ARHGAP42: variants seen among roughly 807,000 people sequenced by gnomAD.
The protein encoded by ARHGAP42 is Rho GTPase activating protein 42.
In ARHGAP42, 63 loss-of-function variants were observed where a neutral mutation model predicts 125.0. The ratio of observed to expected loss-of-function variants is 0.50; its 90% CI spans 0.41 to 0.62. ARHGAP42 has a LOEUF of 0.62. Among genes scored for constraint, ARHGAP42 ranks in the 20% least tolerant of loss-of-function variants. ARHGAP42 has a pLI of 0.00. For synonymous variants in ARHGAP42, 339 were observed against 351.0 expected (o/e 0.97, Z 0.38); for missense variants, 766 against 1,024.2 (o/e 0.75, Z 3.44).
At chr11:100,794,009 G>A (rs562607747) in intron 2 of ARHGAP42, among the ~76,000 whole-genome samples, 5 of 143,438 alleles carry the variant, frequency 3.5e-5, no homozygotes, top group Non-Finnish European at 7.5e-5. Context: ...CTTGAGCCTG[G>A]GAGATCGAGG....
At chr11:100,947,756 T>G (rs891151573) in intron 10 of ARHGAP42, among the ~76,000 whole-genome samples, 4 of 151,938 alleles carry the variant, frequency 2.6e-5, no homozygotes, top group African/African-American at 9.7e-5. Context: ...AATTTCCATC[T>G]GAATGTTCTT....
chr11:100,711,642 G>T (rs916861239), intron 1 of ARHGAP42, among the ~76,000 whole-genome samples: 1 of 152,226 alleles, frequency 6.6e-6, no homozygotes. Flanking sequence ...ACAGGCGTGA[G>T]CCACTGTGCC....
At chr11:100,703,717 G>T (rs1310838683) in intron 1 of ARHGAP42, among the ~76,000 whole-genome samples, 1 of 152,210 alleles carries the variant, frequency 6.6e-6, no homozygotes, top group Non-Finnish European at 1.5e-5. Flanking sequence ...AGACTTTATA[G>T]ACATATCTAC....
intron 1 of ARHGAP42, among the ~76,000 whole-genome samples, chr11:100,744,899 T>C (rs113421459): frequency 6.6e-6 from 1 of 152,182 alleles, no homozygotes; most frequent in Non-Finnish European, 1.5e-5. Context: ...AGTGGTGAGC[T>C]CACACCTGGA....
At chr11:100,824,859 G>A (rs955023698) in intron 3 of ARHGAP42, among the ~76,000 whole-genome samples, 1 of 152,018 alleles carries the variant, frequency 6.6e-6, no homozygotes, top group Non-Finnish European at 1.5e-5. Flanking sequence ...TTCCTTACTG[G>A]TTTCTTTCCC....
chr11:100,829,025 A>G (rs1443332560), intron 3 of ARHGAP42, among the ~76,000 whole-genome samples: 2 of 152,194 alleles, frequency 1.3e-5, no homozygotes, highest in Non-Finnish European at 2.9e-5. Flanking sequence ...TTATGCAAAG[A>G]GGAATCTGGA....
chr11:100,697,418 G>A lies in ARHGAP42; in HGVS notation c.154+9586G>A, dbSNP rs190056582. Among the ~76,000 whole-genome samples the A allele has an allele frequency of 7.2e-5, 11 of 152,144 alleles. 1 individual carries two copies. Among genetic ancestry groups the A allele is most frequent in the Admixed American group, 5.2e-4 (8 of 15,286 alleles). On this transcript the variant is annotated intron_variant, in intron 1 of 23. Transcript: ENST00000298815. ...AGGATGGTCTCCATCTCCTGACCTC[G>A]TGATCCGCCCGCCTCGGCCTCCCAA...
chr11:100,714,796 GA>G (rs1205132824), intron 1 of ARHGAP42, among the ~76,000 whole-genome samples: 1 of 152,038 alleles, frequency 6.6e-6, no homozygotes, highest in African/African-American at 2.4e-5. Context: ...TTTGGAGGCT[GA>G]AGTGAGTAGA....
intron 1 of ARHGAP42, among the ~76,000 whole-genome samples, chr11:100,750,515 C>T (rs1360770979): frequency 6.9e-6 from 1 of 144,402 alleles, no homozygotes; most frequent in Admixed American, 7.0e-5. Flanking sequence ...AGCACCTGGA[C>T]AAGGGAGGGG....
intron 12 of ARHGAP42, among the ~76,000 whole-genome samples, chr11:100,956,753 A>T (rs1003336882): frequency 6.6e-6 from 1 of 152,004 alleles, no homozygotes; most frequent in African/African-American, 2.4e-5. Flanking sequence ...CCAACTTACT[A>T]TTTTTTCAGT....
rs1442899217 is a variant in ARHGAP42 at position 100,814,625 on chromosome 11, G to A, written c.312+19459G>A. Among the ~76,000 whole-genome samples, 4 of 152,130 alleles carry A rather than the reference G, an allele frequency of 2.6e-5. No individual in the cohort carries two copies. The South Asian group carries it at 8.3e-4, about 32-fold the overall frequency. ...TCCTCAGGAAACTTACAGTCATGGCGGAAGTGGAAGTAGGAACATCTTACA... is the reference window on the plus strand; with the variant it reads ...TCCTCAGGAAACTTACAGTCATGGCAGAAGTGGAAGTAGGAACATCTTACA... On this transcript the variant is annotated intron_variant, in intron 3 of 23. Coordinates refer to ENST00000298815, the MANE Select transcript of ARHGAP42 (RefSeq NM_152432.4).
chr11:100,808,266 A>G (rs916538886), intron 3 of ARHGAP42, among the ~76,000 whole-genome samples: 11 of 152,230 alleles, frequency 7.2e-5, no homozygotes, highest in African/African-American at 2.7e-4. Flanking sequence ...ATTAAACCAT[A>G]GAGTATATTT....
intron 2 of ARHGAP42, among the ~76,000 whole-genome samples, chr11:100,773,273 ATTT>A: frequency 6.6e-6 from 1 of 152,262 alleles, no homozygotes; most frequent in Non-Finnish European, 1.5e-5. Context: ...AAATGACATA[ATTT>A]TCCTTATAAA....
intron 2 of ARHGAP42, among the ~76,000 whole-genome samples, chr11:100,781,501 T>C (rs553360623): frequency 7.7e-4 from 117 of 152,284 alleles, no homozygotes; most frequent in African/African-American, 2.7e-3. Flanking sequence ...TTGTCAACTT[T>C]GACTTTGAGG....
At chr11:100,814,292 G>A (rs2135064434) in intron 3 of ARHGAP42, among the ~76,000 whole-genome samples, 1 of 150,728 alleles carries the variant, frequency 6.6e-6, no homozygotes, top group Non-Finnish European at 1.5e-5. Context: ...GGGAGGCAGA[G>A]GTTGCAGTGA....
chr11:100,932,720 G>A (rs1296677908), intron 6 of ARHGAP42, among the ~76,000 whole-genome samples: 1 of 151,928 alleles, frequency 6.6e-6, no homozygotes, highest in African/African-American at 2.4e-5. Context: ...ATTTCATCTG[G>A]CCAAATTCTC....
chr11:100,798,045 G>A (rs759537005), intron 3 of ARHGAP42, among the ~76,000 whole-genome samples: 1 of 152,186 alleles, frequency 6.6e-6, no homozygotes, highest in African/African-American at 2.4e-5. Flanking sequence ...AATTAGAAGT[G>A]GAGCCTGAAG....
chr11:100,719,854 G>T (rs570321113), intron 1 of ARHGAP42, among the ~76,000 whole-genome samples: 21 of 152,292 alleles, frequency 1.4e-4, no homozygotes, highest in African/African-American at 4.6e-4. Context: ...AAAGAGAGAA[G>T]AAGCAGCAGA....
chr11:100,905,459 A>G (rs1011633362), intron 4 of ARHGAP42, among the ~76,000 whole-genome samples: 3 of 152,190 alleles, frequency 2.0e-5, no homozygotes, highest in Admixed American at 1.3e-4. Flanking sequence ...TACTTCAAAC[A>G]TATTTCCCTT....
Sources: allele counts gnomAD v4.1 joint callset (sites outside exome capture counted in the v4.1 genomes callset), GRCh38; gene constraint gnomAD v4.1.1; transcripts MANE v1.5; gene names NCBI Gene and HGNC (gene_info 2026-07-23, HGNC 2026-07-21).